The following PIK3C2G variants were observed in gnomAD, a reference collection of about 807,000 sequenced individuals.
PIK3C2G encodes phosphatidylinositol 3-kinase C2 domain-containing subunit gamma.
In PIK3C2G, 168 loss-of-function variants were observed where a neutral mutation model predicts 181.1. That is an observed-to-expected ratio of 0.93 (90% CI 0.82 to 1.05). The LOEUF is 1.05. PIK3C2G is among the 50% of genes least tolerant of loss of function. The probability of loss-of-function intolerance (pLI) is 0.00; values close to 1 mark genes in which losing one functional copy is unlikely to be tolerated. For synonymous variants in PIK3C2G, 573 were observed against 592.2 expected, an observed-to-expected ratio of 0.97 and a Z score of 0.47; for missense variants, 1,869 against 1,732.8, an observed-to-expected ratio of 1.08 and a Z score of -1.40.
downstream of PIK3C2G, among the ~76,000 whole-genome samples, chr12:18,649,974 C>G (rs545422797): frequency 6.6e-6 from 1 of 151,816 alleles, no homozygotes; most frequent in East Asian, 1.9e-4. Flanking sequence ...CTCCCCTTTC[C>G]CATCAAGCTT....
chr12:18,468,500 A>T (rs1201220585), intron 18 of PIK3C2G, among the ~76,000 whole-genome samples: 2 of 152,072 alleles, frequency 1.3e-5, no homozygotes, highest in Non-Finnish European at 2.9e-5. Context: ...TAAATGCTTA[A>T]GAGGATATTC....
At chr12:18,499,861 T>G (rs1314956430) in intron 22 of PIK3C2G, among the ~76,000 whole-genome samples, 4 of 152,220 alleles carry the variant, frequency 2.6e-5, no homozygotes, top group Non-Finnish European at 5.9e-5. Context: ...AGGAACTTGT[T>G]AGAAATGCAG....
rs1289084348 is a variant in PIK3C2G at position 18,564,727 on chromosome 12, G to GA, written c.3902+1236dup. Among the ~76,000 whole-genome samples the GA allele has an allele frequency of 4.6e-5, 7 of 151,882 alleles. No homozygotes were observed. In the East Asian group the frequency reaches 7.7e-4, roughly 17 times the overall value. The stretch of plus-strand genomic sequence containing the variant: ...TATCACAAAATCTGATAGAATAACT[G>GA]AAAAAAAGAGACACAGGCAAAAAAA... On this transcript the variant is annotated intron_variant, in intron 28 of 32. Transcript: ENST00000538779.
At chr12:18,620,148 C>T (rs1592731122) in intron 31 of PIK3C2G, among the ~76,000 whole-genome samples, 1 of 152,150 alleles carries the variant, frequency 6.6e-6, no homozygotes, top group Non-Finnish European at 1.5e-5. Flanking sequence ...CTATGAAAGT[C>T]AATTAAGTCA....
intron 26 of PIK3C2G, among the ~76,000 whole-genome samples, chr12:18,561,793 C>T (rs1191967160): frequency 6.7e-6 from 1 of 148,582 alleles, no homozygotes; most frequent in Non-Finnish European, 1.5e-5. Context: ...ATAAAAACAC[C>T]AAAAACAAAG....
At chr12:18,380,696 A>C (rs1942779208) in intron 13 of PIK3C2G, among the ~76,000 whole-genome samples, 1 of 152,174 alleles carries the variant, frequency 6.6e-6, no homozygotes, top group Admixed American at 6.5e-5. Flanking sequence ...CATATAAAAC[A>C]TCTGCCTATA....
Position 18,424,021 on chromosome 12 carries a change from T to A in PIK3C2G, c.2486T>A (p.Val829Asp). ...LLHRSLQSIQ[V>D]AHRLYWLLKN... is the part of the protein sequence containing the mutation. ...CACCGCTCCTTGCAGAGCATCCAGGTTGCCCATCGTCTTTACTGGTAAGAT... is the reference window on the plus strand; with the variant it reads ...CACCGCTCCTTGCAGAGCATCCAGGATGCCCATCGTCTTTACTGGTAAGAT... Residue 829 changes from valine (V) to aspartate (D), a missense_variant, in exon 18 of 33, where the codon GTT becomes GAT. Transcript: ENST00000538779. 8.7e-6 allele frequency: 14 copies of A among 1,609,248 alleles called. No homozygotes were observed. Among genetic ancestry groups the A allele is most frequent in the Non-Finnish European group, 1.2e-5 (14 of 1,177,214 alleles).
chr12:18,594,102 A>G (rs981430396), intron 29 of PIK3C2G, among the ~76,000 whole-genome samples: 1 of 151,914 alleles, frequency 6.6e-6, no homozygotes, highest in Non-Finnish European at 1.5e-5. Context: ...TTACTCACTA[A>G]CTGAGCCTGT....
At chr12:18,559,809 TATATATATATATAGAGAGAGAG>T (rs1341115309) in intron 26 of PIK3C2G, among the ~76,000 whole-genome samples, 39 of 37,396 alleles carry the variant, frequency 1.0e-3, no homozygotes, top group African/African-American at 1.2e-3. Flanking sequence ...TATATATATA[TATATATATATATAGAGAGAGAG>T]AGAGAGAGAG....
chr12:18,526,408 A>G (rs1473168379), intron 24 of PIK3C2G, among the ~76,000 whole-genome samples: 2 of 152,198 alleles, frequency 1.3e-5, no homozygotes, highest in African/African-American at 2.4e-5. Flanking sequence ...ACTTTCCAGT[A>G]TCTCTCCAAC....
intron 13 of PIK3C2G, among the ~76,000 whole-genome samples, chr12:18,376,743 GC>G (rs1942469208): frequency 6.6e-6 from 1 of 152,114 alleles, no homozygotes; most frequent in Admixed American, 6.6e-5. Context: ...TTGGCTTGTG[GC>G]TGTCCTTGAG....
At chr12:18,305,456 C>T (rs1348708776) in intron 5 of PIK3C2G, among the ~76,000 whole-genome samples, 1 of 152,104 alleles carries the variant, frequency 6.6e-6, no homozygotes, top group Non-Finnish European at 1.5e-5. Flanking sequence ...AAAGTAGGTA[C>T]ATAATTTAAT....
the PIK3C2G span, among the ~76,000 whole-genome samples, chr12:18,676,459 A>G: frequency 2.2e-4 from 33 of 152,180 alleles, no homozygotes; most frequent in Admixed American, 8.5e-4. Flanking sequence ...AAATGCCTGC[A>G]TTTGCCTTGC....
intron 22 of PIK3C2G, among the ~76,000 whole-genome samples, chr12:18,498,957 G>A (rs1430492390): frequency 6.6e-6 from 1 of 152,114 alleles, no homozygotes; most frequent in Non-Finnish European, 1.5e-5. Context: ...ATCCTAAAAT[G>A]CTGAAATAGA....
At chr12:18,374,457 C>T (rs1942293498) in intron 13 of PIK3C2G, among the ~76,000 whole-genome samples, 1 of 152,048 alleles carries the variant, frequency 6.6e-6, no homozygotes, top group Non-Finnish European at 1.5e-5. Flanking sequence ...TCAGTTAGTC[C>T]AAATACGTCA....
intron 26 of PIK3C2G, among the ~76,000 whole-genome samples, chr12:18,547,100 TCCTGTAA>T (rs1268501405): frequency 4.6e-5 from 7 of 152,062 alleles, no homozygotes; most frequent in African/African-American, 1.7e-4. Context: ...ATTCTTTCTT[TCCTGTAA>T]CCTCTTAATT....
At chr12:18,423,766 T>A (rs71583806) in intron 17 of PIK3C2G, among the ~76,000 whole-genome samples, 179 bp from the exon 18 acceptor site, 1 of 152,216 alleles carries the variant, frequency 6.6e-6, no homozygotes, top group Non-Finnish European at 1.5e-5. Context: ...AATGGTGTAA[T>A]GTATATGTGT....
chr12:18,349,047 A>G (rs1041912182), intron 11 of PIK3C2G, among the ~76,000 whole-genome samples: 15 of 152,324 alleles, frequency 9.8e-5, no homozygotes, highest in African/African-American at 3.4e-4. Context: ...CTCAGGCCAT[A>G]GAGTTGGCTT....
intron 31 of PIK3C2G, among the ~76,000 whole-genome samples, chr12:18,610,500 T>C (rs1948278214): frequency 6.6e-6 from 1 of 152,160 alleles, no homozygotes; most frequent in Non-Finnish European, 1.5e-5. Flanking sequence ...ATATGTTCAT[T>C]ACAAATTCAT....
Sources: gnomAD v4.1 joint callset for allele counts (sites outside exome capture counted in the v4.1 genomes callset) on GRCh38, gnomAD v4.1.1 for gene constraint, MANE v1.5 for transcripts, NCBI Gene and HGNC (gene_info 2026-07-23, HGNC 2026-07-21) for gene names.